PIK3C2G: variants seen among roughly 807,000 people sequenced by gnomAD.
PIK3C2G encodes phosphatidylinositol-4-phosphate 3-kinase catalytic subunit type 2 gamma, also known as phosphatidylinositol 3-kinase C2 domain-containing subunit gamma.
A neutral mutation model predicts 181.1 loss-of-function variants in PIK3C2G; 168 were observed. That is an observed-to-expected ratio of 0.93 (90% confidence interval 0.82 to 1.05). The LOEUF (loss-of-function observed/expected upper bound fraction) is 1.05. PIK3C2G is among the 50% of genes least tolerant of loss of function. The probability of loss-of-function intolerance (pLI) is 0.00; values close to 1 mark genes in which losing one functional copy is unlikely to be tolerated. For synonymous variants in PIK3C2G, 573 were observed against 592.2 expected (o/e 0.97, Z 0.47); for missense variants, 1,869 against 1,732.8 (o/e 1.08, Z -1.40).
At chr12:18,365,171 A>C (rs149566251) in intron 12 of PIK3C2G, among the ~76,000 whole-genome samples, 1 of 152,282 alleles carries the variant, frequency 6.6e-6, no homozygotes, top group African/African-American at 2.4e-5. Flanking sequence ...TGTGACTCCT[A>C]AGCTGATGGT....
In PIK3C2G at chr12:18,497,756, T is replaced by C. The variant is rs905363839; in HGVS notation, c.3016+8T>C. 1 of 1,593,906 alleles carries C rather than the reference T, an allele frequency of 6.3e-7. No individual in the cohort carries two copies. ...CCACAGGAAAAGACCAAGGTCAGTATAGATTAGAAAGTGCGCTGGCTCACA... is the reference window on the plus strand; with the variant it reads ...CCACAGGAAAAGACCAAGGTCAGTACAGATTAGAAAGTGCGCTGGCTCACA... On this transcript the variant is annotated splice_region_variant and intron_variant, in intron 22 of 32. Transcript: ENST00000538779.
intron 18 of PIK3C2G, among the ~76,000 whole-genome samples, chr12:18,429,844 C>T (rs1384875111): frequency 2.0e-5 from 3 of 152,200 alleles, no homozygotes; most frequent in African/African-American, 7.2e-5. Context: ...GCTGCACCCA[C>T]TCCCATCTGC....
intron 28 of PIK3C2G, among the ~76,000 whole-genome samples, chr12:18,564,212 C>T (rs1945495906): frequency 1.3e-5 from 2 of 151,442 alleles, no homozygotes; most frequent in African/African-American, 4.9e-5. Flanking sequence ...GTTCAAATAA[C>T]CCTTCAAAAA....
chr12:18,287,101 A>C (rs1190642467), intron 3 of PIK3C2G, among the ~76,000 whole-genome samples, 172 bp downstream of exon 3: 1 of 152,186 alleles, frequency 6.6e-6, no homozygotes, highest in East Asian at 1.9e-4. Context: ...AACTTCTGTT[A>C]ATGTTTTTGT....
At chr12:18,664,025 G>T in the PIK3C2G span, among the ~76,000 whole-genome samples, 1 of 152,120 alleles carries the variant, frequency 6.6e-6, no homozygotes, top group Non-Finnish European at 1.5e-5. Flanking sequence ...CATTGAAAAT[G>T]CAAATCAAAA....
At chr12:18,598,346 A>T (rs998612054) in intron 30 of PIK3C2G, among the ~76,000 whole-genome samples, 23 of 151,878 alleles carry the variant, frequency 1.5e-4, no homozygotes, top group Admixed American at 3.3e-4. Context: ...AAAACGCCGC[A>T]TATCTACAAC....
chr12:18,423,842 T>C, intron 17 of PIK3C2G, 103 bp from the exon 18 acceptor site: 4 of 689,198 alleles, frequency 5.8e-6, no homozygotes, highest in Non-Finnish European at 1.0e-5. Context: ...TGTTAAAATA[T>C]GCATGCTGTT....
chr12:18,310,709 G>C (rs993506197), intron 5 of PIK3C2G, among the ~76,000 whole-genome samples: 1 of 151,628 alleles, frequency 6.6e-6, no homozygotes, highest in Non-Finnish European at 1.5e-5. Context: ...AAGATAAATA[G>C]AGAAAGAAGA....
At chr12:18,273,640 T>A (rs1382833463) in intron 1 of PIK3C2G, among the ~76,000 whole-genome samples, 1 of 152,098 alleles carries the variant, frequency 6.6e-6, no homozygotes, top group South Asian at 2.1e-4. Flanking sequence ...TTACACCTTA[T>A]ACAAAAATTA....
chr12:18,656,206 A>C, the PIK3C2G span, among the ~76,000 whole-genome samples: 51 of 152,228 alleles, frequency 3.4e-4, no homozygotes, highest in African/African-American at 1.2e-3. Flanking sequence ...AGACGGAAGC[A>C]TCATTTGAGC....
intron 31 of PIK3C2G, among the ~76,000 whole-genome samples, chr12:18,620,350 T>TAAAA: frequency 6.6e-6 from 1 of 152,192 alleles, no homozygotes; most frequent in South Asian, 2.1e-4. Flanking sequence ...TTATTTCTAG[T>TAAAA]AGTATTTTTT....
chr12:18,580,525 C>T (rs1946442899), intron 29 of PIK3C2G, among the ~76,000 whole-genome samples: 1 of 152,124 alleles, frequency 6.6e-6, no homozygotes, highest in Non-Finnish European at 1.5e-5. Flanking sequence ...TTATTTGGAG[C>T]TAGCTGAGAT....
intron 16 of PIK3C2G, among the ~76,000 whole-genome samples, chr12:18,412,978 C>T (rs1379006161): frequency 6.6e-6 from 1 of 152,138 alleles, no homozygotes; most frequent in South Asian, 2.1e-4. Context: ...GTTGCTATTT[C>T]ATTGAAGTTC....
intron 29 of PIK3C2G, among the ~76,000 whole-genome samples, chr12:18,589,572 G>A (rs1023510179): frequency 3.3e-5 from 5 of 151,940 alleles, no homozygotes; most frequent in African/African-American, 9.7e-5. Context: ...GCATTTTTAT[G>A]AAGGAAGGAA....
Position 18,571,455 on chromosome 12 carries a change from C to A in PIK3C2G, c.4011+4398C>A, listed in dbSNP as rs1033899094. Among the ~76,000 whole-genome samples the A allele has an allele frequency of 1.7e-4, 25 of 150,600 alleles. 1 individual carries two copies. The highest frequency in any genetic ancestry group is 6.0e-4 in the African/African-American group (24 of 40,236). On this transcript the variant is annotated intron_variant, in intron 29 of 32. Transcript: ENST00000538779. Reference sequence around the variant, plus strand: ...ACCAGTAGAGGTTTATAGAAATATTCCACTATATTTATACATCTAACTACT... The same window carrying A: ...ACCAGTAGAGGTTTATAGAAATATTACACTATATTTATACATCTAACTACT...
rs142825487 is a variant in PIK3C2G at position 18,406,560 on chromosome 12, T to C, written c.2315+6713T>C. 1.3e-4 allele frequency among the ~76,000 whole-genome samples: 20 copies of C among 152,226 alleles called. No individual in the cohort carries two copies. The East Asian group carries it at 3.9e-3, about 29-fold the overall frequency. ...AGTGGTCAGAAAAACATGTTTGATGTTTGGGGTTTGTATCCCTTTTTAAAT... is the reference window on the plus strand; with the variant it reads ...AGTGGTCAGAAAAACATGTTTGATGCTTGGGGTTTGTATCCCTTTTTAAAT... On this transcript the variant is annotated intron_variant, in intron 16 of 32. Transcript: ENST00000538779.
chr12:18,645,019 T>C (rs1366800379), intron 32 of PIK3C2G, among the ~76,000 whole-genome samples: 3 of 152,214 alleles, frequency 2.0e-5, no homozygotes, highest in African/African-American at 7.2e-5. Flanking sequence ...TTAAGTGTTT[T>C]CTATTAGACG....
upstream of PIK3C2G, among the ~76,000 whole-genome samples, chr12:18,258,087 C>T (rs1163679868): frequency 6.6e-6 from 1 of 152,066 alleles, no homozygotes; most frequent in South Asian, 2.1e-4. Flanking sequence ...TCCTGCTGAA[C>T]AATGGGCACC....
intron 18 of PIK3C2G, among the ~76,000 whole-genome samples, chr12:18,427,916 A>C (rs1945927585): frequency 6.6e-6 from 1 of 152,212 alleles, no homozygotes. Flanking sequence ...AAAGAGAAAT[A>C]AAACAGGAAG....
Sources: gnomAD v4.1 joint callset for allele counts (sites outside exome capture counted in the v4.1 genomes callset) on GRCh38, gnomAD v4.1.1 for gene constraint, MANE v1.5 for transcripts, NCBI Gene and HGNC (gene_info 2026-07-23, HGNC 2026-07-21) for gene names.